FYN: variants seen among roughly 807,000 people sequenced by gnomAD.
FYN encodes tyrosine-protein kinase Fyn.
FYN carries 10 observed loss-of-function variants against 70.2 expected under a neutral mutation model. The ratio of observed to expected loss-of-function variants is 0.14; its 90% CI spans 0.09 to 0.24. The LOEUF (loss-of-function observed/expected upper bound fraction) is 0.24, where lower values mean the gene tolerates loss of function less well. FYN is among the 10% of genes least tolerant of loss of function. The pLI, the probability that FYN is intolerant of heterozygous loss-of-function variation, is 1.00. For missense variants in FYN, 319 were observed against 673.1 expected, an observed-to-expected ratio of 0.47 and a Z score of 5.82; for synonymous variants, 236 against 248.6, an observed-to-expected ratio of 0.95 and a Z score of 0.48.
At chr6:111,751,127 C>G (rs12524058) in intron 3 of FYN, among the ~76,000 whole-genome samples, 16,289 of 152,198 alleles carry the variant, frequency 0.11, 1,357 homozygotes, top group African/African-American at 0.23. Flanking sequence ...TCTTTTCTTG[C>G]TCAACCTCAT....
At chr6:111,745,365 T>G (rs912910333) in intron 3 of FYN, among the ~76,000 whole-genome samples, 5 of 152,286 alleles carry the variant, frequency 3.3e-5, no homozygotes, top group African/African-American at 1.2e-4. Context: ...GACTCATCCC[T>G]CCTGCAAAAG....
At chr6:111,721,657 G>A (rs907391542) in intron 3 of FYN, among the ~76,000 whole-genome samples, 1 of 151,598 alleles carries the variant, frequency 6.6e-6, no homozygotes, top group Non-Finnish European at 1.5e-5. Context: ...CGCCCGCCTC[G>A]GCCTCCCAAA....
chr6:111,868,836 C>CA (rs148176918), intron 1 of FYN, among the ~76,000 whole-genome samples: 25,042 of 152,128 alleles, frequency 0.16, 4,715 homozygotes, highest in African/African-American at 0.47. Flanking sequence ...GAAACCACTT[C>CA]ATATTATTAT....
chr6:111,810,412 G>A (rs557840852), intron 2 of FYN, among the ~76,000 whole-genome samples: 40 of 152,194 alleles, frequency 2.6e-4, no homozygotes, highest in African/African-American at 6.5e-4. Context: ...ACTTGATGTC[G>A]GTCTGGTAAA....
chr6:111,802,963 G>A (rs1243210518), intron 2 of FYN, among the ~76,000 whole-genome samples: 2 of 152,318 alleles, frequency 1.3e-5, no homozygotes, highest in Admixed American at 6.5e-5. Context: ...CTAGGAAATC[G>A]TATAATCTGG....
At chr6:111,808,469 A>G (rs546722439) in intron 2 of FYN, among the ~76,000 whole-genome samples, 1 of 152,320 alleles carries the variant, frequency 6.6e-6, no homozygotes, top group African/African-American at 2.4e-5. Context: ...ACCCCATTTC[A>G]GGGCTGTAGC....
At chr6:111,692,124 C>T (rs1421156087) in intron 12 of FYN, among the ~76,000 whole-genome samples, 1 of 143,026 alleles carries the variant, frequency 7.0e-6, no homozygotes, top group Non-Finnish European at 1.5e-5. Flanking sequence ...GTTCAGCTCT[C>T]CAGTTCACTT....
intron 3 of FYN, among the ~76,000 whole-genome samples, chr6:111,729,982 T>A (rs760146382): frequency 3.3e-5 from 5 of 152,230 alleles, no homozygotes; most frequent in African/African-American, 4.8e-5. Context: ...TGATTGAATT[T>A]GTATGTAAGT....
intron 3 of FYN, among the ~76,000 whole-genome samples, chr6:111,779,563 G>T (rs1344418307): frequency 3.3e-5 from 5 of 152,154 alleles, no homozygotes; most frequent in Non-Finnish European, 7.3e-5. Flanking sequence ...TGTGAGGATG[G>T]CAGGAAGGGA....
chr6:111,752,325 T>C (rs1167577463), intron 3 of FYN, among the ~76,000 whole-genome samples: 2 of 152,190 alleles, frequency 1.3e-5, no homozygotes, highest in Admixed American at 1.3e-4. Flanking sequence ...ATTAAAAAGA[T>C]GAATAAGCTA....
chr6:111,828,509 G>A (rs1772909054), intron 2 of FYN, among the ~76,000 whole-genome samples: 1 of 152,158 alleles, frequency 6.6e-6, no homozygotes, highest in Non-Finnish European at 1.5e-5. Context: ...AGCAACCCAA[G>A]TGTCCACTGA....
intron 13 of FYN, among the ~76,000 whole-genome samples, chr6:111,662,949 C>G (rs781069426): frequency 2.6e-5 from 4 of 152,210 alleles, no homozygotes; most frequent in Non-Finnish European, 4.4e-5. Context: ...CTGCATAGCA[C>G]TAACAGAAGA....
chr6:111,850,295 C>T (rs1433276835), intron 1 of FYN, among the ~76,000 whole-genome samples: 3 of 152,204 alleles, frequency 2.0e-5, no homozygotes, highest in African/African-American at 7.2e-5. Context: ...GGTGTCTTCT[C>T]TATTTCAAAT....
intron 3 of FYN, among the ~76,000 whole-genome samples, chr6:111,721,338 A>G (rs1176948934): frequency 1.3e-5 from 2 of 152,204 alleles, no homozygotes; most frequent in African/African-American, 2.4e-5. Context: ...TCACAGCTAC[A>G]TTGCCAGTGC....
chr6:111,854,259 T>C (rs1773763863), intron 1 of FYN, among the ~76,000 whole-genome samples: 1 of 152,378 alleles, frequency 6.6e-6, no homozygotes, highest in Non-Finnish European at 1.5e-5. Context: ...AGCTGAAAGA[T>C]GACCAATGAC....
chr6:111,718,223 G>C (rs1169926388), intron 4 of FYN, among the ~76,000 whole-genome samples: 1 of 152,196 alleles, frequency 6.6e-6, no homozygotes, highest in African/African-American at 2.4e-5. Context: ...GCTGAGGGGA[G>C]AATCAAAGGA....
chr6:111,711,547 T>C (rs952669187), intron 5 of FYN, among the ~76,000 whole-genome samples: 1 of 152,206 alleles, frequency 6.6e-6, no homozygotes, highest in Non-Finnish European at 1.5e-5. Flanking sequence ...GGTACATACA[T>C]ACATGCACAT....
intron 2 of FYN, among the ~76,000 whole-genome samples, chr6:111,817,979 T>C (rs906870898): frequency 1.3e-5 from 2 of 152,198 alleles, no homozygotes; most frequent in African/African-American, 4.8e-5. Context: ...GCTCCATCTA[T>C]GCACATGTGC....
Position 111,861,916 on chromosome 6 carries a change from A to T in FYN, c.-123+11052T>A, listed in dbSNP as rs72944234. Among the ~76,000 whole-genome samples, 742 of 152,334 alleles carry T rather than the reference A, an allele frequency of 4.9e-3. 1 individual carries two copies. Among genetic ancestry groups the T allele is most frequent in the Middle Eastern group, 0.02 (6 of 294 alleles). On this transcript the variant is annotated intron_variant, in intron 1 of 13. Transcript: ENST00000354650. ...TTACTTCGTAGAGCCTTAGTCTGGG[A>T]CAGAACCCTCTTCCTATGCTAAGGA...
Sources: gnomAD v4.1 joint callset for allele counts (sites outside exome capture counted in the v4.1 genomes callset) on GRCh38, gnomAD v4.1.1 for gene constraint, MANE v1.5 for transcripts, NCBI Gene and HGNC (gene_info 2026-07-23, HGNC 2026-07-21) for gene names.